Variants in KRT6A observed in about 807,000 individuals in gnomAD.
KRT6A encodes the protein keratin 6A.
KRT6A carries 28 observed loss-of-function variants against 48.6 expected under a neutral mutation model. The ratio of observed to expected loss-of-function variants is 0.58; its 90% CI spans 0.43 to 0.79. KRT6A has a LOEUF of 0.79. Among genes scored for constraint, KRT6A ranks in the 30% least tolerant of loss-of-function variants. KRT6A has a pLI of 0.00. For missense variants in KRT6A, 687 were observed against 724.3 expected (o/e 0.95, Z 0.59); for synonymous variants, 301 against 294.2 (o/e 1.02, Z -0.24).
chr12:52,490,860 C>T lies in KRT6A; in HGVS notation c.910G>A (p.Ala304Thr). Residue 304 changes from alanine to threonine, a missense_variant and splice_region_variant, in exon 4 of 9, where the codon GCA (alanine) becomes ACA (threonine). Ala to Thr is a moderately conservative substitution (Grantham distance 58). Transcript: ENST00000330722. ...EINFLRALYD[A>T]ELSQMQTHIS... is the part of the protein sequence containing the mutation. ...AGAAGGATGGTGGAGATGCTTACTG[C>T]ATCATACAAGGCTCTCAGGAAGTTG... 6.2e-7 allele frequency: 1 copy of T among 1,614,054 alleles called. No individual in the cohort carries two copies. The highest frequency in any genetic ancestry group is 8.5e-7 in the Non-Finnish European group (1 of 1,179,914).
chr12:52,492,505 T>C, intron 1 of KRT6A, 144 bp downstream of exon 1: 1 of 1,447,700 alleles, frequency 6.9e-7, no homozygotes, highest in South Asian at 1.2e-5. Context: ...TGCTGCTTGC[T>C]GGGCACCAGC....
At position 52,491,615 on chromosome 12, in the gene KRT6A, A is replaced by C. The variant is rs760581591; in HGVS notation, c.662T>G (p.Leu221Arg). Reference sequence around the variant, plus strand: ...GACAATGCTGTCCAGCTGCCTCCTGAGGTTGTTGATGTACTGCTCGAACAA... The same window carrying C: ...GACAATGCTGTCCAGCTGCCTCCTGCGGTTGTTGATGTACTGCTCGAACAA... Reference protein sequence around the residue: ...EPLFEQYINNLRRQLDSIVGE... With the variant: ...EPLFEQYINNRRRQLDSIVGE... The change falls in exon 2 of 9, where the codon CTC becomes CGC. Residue 221 changes from leucine (L) to arginine (R), a missense_variant. By Grantham distance (102) the Leu-to-Arg change is moderately radical (BLOSUM62 -2). Around this residue, in one of 3 missense-constraint regions of KRT6A, gnomAD observed 566 missense variants for 565.3 expected, o/e 1.00. Coordinates refer to ENST00000330722, the MANE Select transcript of KRT6A (RefSeq NM_005554.4). The C allele has an allele frequency of 5.6e-6, 9 of 1,614,050 alleles. No homozygotes were observed. Among genetic ancestry groups the C allele is most frequent in the Non-Finnish European group, 7.6e-6 (9 of 1,180,008 alleles).
chr12:52,490,451 C>T lies in KRT6A; in HGVS notation c.1077+118G>A, dbSNP rs1255926398. ...ATGTCTACTCTAATAGTGCAGAGTG[C>T]ATGTCCTGTGAGAGGACCCCAGCTT... On this transcript the variant is annotated intron_variant, in intron 5 of 8. Coordinates refer to ENST00000330722, the MANE Select transcript of KRT6A (RefSeq NM_005554.4). 13 of 1,494,960 alleles carry T rather than the reference C, an allele frequency of 8.7e-6. No homozygotes were observed. The Admixed American group carries it at 2.2e-4, about 25-fold the overall frequency. The allele number at this position is 1,494,960 out of a possible 1,614,324, so 92.6% of individuals were successfully genotyped here. A position where few individuals can be genotyped will look rare whatever the true frequency, so the allele number is the denominator to read the frequency against.
chr12:52,492,817 G>A lies in KRT6A; in HGVS notation c.372C>T (p.Gly124=), dbSNP rs1938296083. The A allele has an allele frequency of 6.2e-7, 1 of 1,612,286 alleles. No individual in the cohort carries two copies. Among genetic ancestry groups the A allele is most frequent in the South Asian group, 1.1e-5 (1 of 90,906 alleles). Residue 124 remains glycine, a synonymous_variant, in exon 1 of 9, where the codon GGC becomes GGT. Transcript: ENST00000330722. ...GGAGLAGGFG[G]PGFPVCPPGG... is the part of the protein sequence containing the mutation. ...CAGGGGGGCACACAGGGAAGCCAGG[G>A]CCCCCAAAGCCACCAGCAAGGCCGG...
chr12:52,488,275 A>G (rs1565585305), intron 7 of KRT6A, 53 bp downstream of exon 7: 5 of 1,613,870 alleles, frequency 3.1e-6, no homozygotes, highest in Admixed American at 1.7e-5. Context: ...GCTCAGTGCC[A>G]GGAACCTTGA....
chr12:52,487,849 G>T lies in KRT6A; in HGVS notation c.1566C>A (p.Gly522=). 6.2e-7 allele frequency: 1 copy of T among 1,614,002 alleles called. No individual in the cohort carries two copies. Among genetic ancestry groups the T allele is most frequent in the Non-Finnish European group, 8.5e-7 (1 of 1,179,890 alleles). Residue 522 remains glycine (G), a synonymous_variant, in exon 9 of 9, where the codon GGC becomes GGA. Coordinates refer to ENST00000330722, the MANE Select transcript of KRT6A (RefSeq NM_005554.4). Reference sequence around the variant, plus strand: ...TGCTGGAACTGAAGCCACCTCCAACGCCAAGACCACTGCCATAGGAGTAGC... The same window carrying T: ...TGCTGGAACTGAAGCCACCTCCAACTCCAAGACCACTGCCATAGGAGTAGC... The part of the protein sequence containing the change: ...GSSYSYGSGL[G]VGGGFSSSSG...
Position 52,487,934 on chromosome 12 carries a change from G to A in KRT6A, c.1481C>T (p.Ser494Phe). Residue 494 changes from serine to phenylalanine, a missense_variant, in exon 9 of 9, where the codon TCC (serine) becomes TTC (phenylalanine). By Grantham distance (155) the Ser-to-Phe change is radical (BLOSUM62 -2). This residue lies in a region of KRT6A where 566 missense variants were observed against 565.3 expected (regional missense o/e 1.00). Transcript: ENST00000330722. ...VNISVVQSTV[S>F]SGYGGASGVG... ...ACCACTGGCACCGCCATAGCCACTG[G>A]AGACGGTGGACTGCACCACAGCTGT... 1 of 1,614,194 alleles carries A rather than the reference G, an allele frequency of 6.2e-7. No homozygotes were observed. The highest frequency in any genetic ancestry group is 8.5e-7 in the Non-Finnish European group (1 of 1,180,004).
In KRT6A at chr12:52,492,901, G is replaced by A. The variant is rs368455216; in HGVS notation, c.288C>T (p.Ala96=). The part of the protein sequence containing the change: ...RAGGSYGFGG[A]GSGFGFGGGA... ...CACCACCGAAACCAAATCCACTCCC[G>A]GCGCCACCAAAGCCATAGCTGCCTC... is the stretch of plus-strand genomic sequence containing the variant. The change falls in exon 1 of 9, where the codon GCC becomes GCT. Residue 96 remains alanine, a synonymous_variant. Coordinates refer to ENST00000330722, the MANE Select transcript of KRT6A (RefSeq NM_005554.4). The A allele has an allele frequency of 1.3e-4, 208 of 1,605,036 alleles. No homozygotes were observed. In the East Asian group the frequency reaches 1.5e-3, roughly 12 times the overall value.
intron 5 of KRT6A, 137 bp from the exon 6 acceptor site, chr12:52,490,205 T>C: frequency 3.9e-6 from 6 of 1,547,614 alleles, no homozygotes; most frequent in Non-Finnish European, 5.3e-6. Context: ...AAGTTGATAT[T>C]ATGTGGTTGG....
In KRT6A at chr12:52,490,054, C is replaced by T. The variant is rs1230608467; in HGVS notation, c.1092G>A (p.Gln364=). The part of the protein sequence containing the change: ...SWYQTKYEEL[Q]VTAGRHGDDL... ...CGTCCCCATGTCTGCCTGCTGTGAC[C>T]TGCAGCTCCTCGTACTGCAGCCCAG... is the stretch of plus-strand genomic sequence containing the variant. The change falls in exon 6 of 9, where the codon CAG becomes CAA. Residue 364 remains glutamine, a synonymous_variant. Transcript: ENST00000330722. 6.2e-7 allele frequency: 1 copy of T among 1,614,058 alleles called. No individual in the cohort carries two copies. Among genetic ancestry groups the T allele is most frequent in the Admixed American group, 1.7e-5 (1 of 60,018 alleles).
rs1938304618 is a variant in KRT6A at position 52,493,117 on chromosome 12, C to A, written c.72G>T (p.Arg24Ser). The change falls in exon 1 of 9, where the codon AGG (arginine) becomes AGT (serine). Residue 24 changes from arginine (R) to serine (S), a missense_variant. By Grantham distance (110) the Arg-to-Ser change is moderately radical. Coordinates refer to ENST00000330722, the MANE Select transcript of KRT6A (RefSeq NM_005554.4). ...AGCCAGAGCGGCTGACCCCAGGGAG[C>A]CTGGCTGAGTTGGCACTGAAACCCC... ...SRRGFSANSA[R>S]LPGVSRSGFS... 6.2e-7 allele frequency: 1 copy of A among 1,614,070 alleles called. No individual in the cohort carries two copies. The highest frequency in any genetic ancestry group is 1.3e-5 in the African/African-American group (1 of 75,052).
rs768169678 is a variant in KRT6A, at chr12:52,488,466, C to A, written c.1286G>T (p.Gly429Val). 3.7e-6 allele frequency: 6 copies of A among 1,614,062 alleles called. No homozygotes were observed. The African/African-American group carries it at 4.0e-5, about 11-fold the overall frequency. The change falls in exon 7 of 9, where the codon GGG becomes GTG. Residue 429 changes from glycine to valine, a missense_variant. Around this residue, in one of 3 missense-constraint regions of KRT6A, gnomAD observed 566 missense variants for 565.3 expected, o/e 1.00. Coordinates refer to ENST00000330722, the MANE Select transcript of KRT6A (RefSeq NM_005554.4). Reference protein sequence around the residue: ...ALKDAKNKLEGLEDALQKAKQ... With the variant: ...ALKDAKNKLEVLEDALQKAKQ... ...GGCCTTCTGCAGGGCATCCTCCAGC[C>A]CTTCCAGCTTGTTCTTGGCATCCTT...
chr12:52,488,172 C>T (rs1938183323), intron 7 of KRT6A, 69 bp from the exon 8 acceptor site: 4 of 1,613,768 alleles, frequency 2.5e-6, no homozygotes, highest in African/African-American at 2.7e-5. Flanking sequence ...GCGTGGGCAG[C>T]CTCGGTGGGT....
chr12:52,489,522 A>T (rs914169215), intron 6 of KRT6A, among the ~76,000 whole-genome samples: 1 of 152,046 alleles, frequency 6.6e-6, no homozygotes, highest in African/African-American at 2.4e-5. Flanking sequence ...CTCATGATCC[A>T]CTAGCCTCAG....
chr12:52,487,621 G>A lies in KRT6A; in HGVS notation c.*99C>T, dbSNP rs372195223. On this transcript the variant is annotated 3_prime_UTR_variant, in exon 9 of 9. Transcript: ENST00000330722. ...ACCCAGCTCTACCTGGGACAGCAGG[G>A]GAGACTGGAGGCCAGGAGAGGAAAG... 2.7e-6 allele frequency: 4 copies of A among 1,465,634 alleles called. No individual in the cohort carries two copies. Among genetic ancestry groups the A allele is most frequent in the East Asian group, 2.3e-5 (1 of 43,648 alleles). 90.8% of individuals were successfully genotyped at this position (1,465,634 alleles called of 1,614,324 possible).
intron 6 of KRT6A, among the ~76,000 whole-genome samples, chr12:52,489,279 CT>C (rs1938209291): frequency 1.1e-4 from 3 of 27,582 alleles, no homozygotes; most frequent in African/African-American, 3.2e-4. Flanking sequence ...AGGGTTTTTT[CT>C]TTTTCTTTTT....
At chr12:52,492,516 A>C in intron 1 of KRT6A, 133 bp downstream of exon 1, 1 of 1,512,304 alleles carries the variant, frequency 6.6e-7, no homozygotes, top group South Asian at 1.1e-5. Flanking sequence ...GGGCACCAGC[A>C]GCCATCTGCA....
chr12:52,488,565 A>G lies in KRT6A; in HGVS notation c.1204-17T>C. On this transcript the variant is annotated splice_polypyrimidine_tract_variant and intron_variant, in intron 6 of 8. Transcript: ENST00000330722. ...GTTGGCGCACTGGAAGAGGAAAGGA[A>G]TAGAAGAAACTTGTCATCCGGTCTT... The G allele has an allele frequency of 6.2e-7, 1 of 1,614,178 alleles. No individual in the cohort carries two copies. The highest frequency in any genetic ancestry group is 8.5e-7 in the Non-Finnish European group (1 of 1,180,010).
Position 52,493,142 on chromosome 12 carries a change from C to A in KRT6A, c.47G>T (p.Arg16Leu). ...CCTGGCTGAGTTGGCACTGAAACCC[C>A]GGCGGCTGCTGCTGTGGCTCCTGAT... ...TTIRSHSSSR[R>L]GFSANSARLP... is the part of the protein sequence containing the mutation. The change falls in exon 1 of 9, where the codon CGG (arginine) becomes CTG (leucine). Residue 16 changes from arginine to leucine, a missense_variant. Transcript: ENST00000330722. 1 of 1,614,060 alleles carries A rather than the reference C, an allele frequency of 6.2e-7. No individual in the cohort carries two copies. The highest frequency in any genetic ancestry group is 8.5e-7 in the Non-Finnish European group (1 of 1,180,012).
Sources: gnomAD v4.1 joint callset for allele counts (sites outside exome capture counted in the v4.1 genomes callset) on GRCh38, gnomAD v4.1.1 for gene constraint, gnomAD v4.1.1 regional missense constraint, MANE v1.5 for transcripts, NCBI Gene and HGNC (gene_info 2026-07-23, HGNC 2026-07-21) for gene names.